BDP1: variants seen among roughly 807,000 people sequenced by gnomAD.
BDP1 encodes the protein transcription factor TFIIIB component B'' homolog.
Under a neutral mutation model 266.6 loss-of-function variants are expected in BDP1, and 169 were observed. That is an observed-to-expected ratio of 0.63 (90% CI 0.56 to 0.72). The LOEUF (loss-of-function observed/expected upper bound fraction) is 0.72. Ranked by LOEUF, BDP1 falls within the 30% of genes least tolerant of loss-of-function variation. BDP1 has a pLI of 0.00. For synonymous variants in BDP1, 1,090 were observed against 1,022.4 expected (o/e 1.07, Z -1.26); for missense variants, 3,015 against 3,053.8 (o/e 0.99, Z 0.30).
rs920789801 is a variant in BDP1, at chr5:71,566,568, T to C, written c.*1683T>C. 4 of 152,310 alleles carry C rather than the reference T, an allele frequency of 2.6e-5. No homozygotes were observed. The East Asian group carries it at 7.7e-4, about 29-fold the overall frequency. 9.4% of individuals were successfully genotyped at this position (152,310 alleles called of 1,614,324 possible). ...AGTAGCTCAGGCATTGGAAACTTTCTGCAAACTGTTTTGGGTTTGCAGGCC... is the reference window on the plus strand; with the variant it reads ...AGTAGCTCAGGCATTGGAAACTTTCCGCAAACTGTTTTGGGTTTGCAGGCC... On this transcript the variant is annotated 3_prime_UTR_variant, in exon 39 of 39. Transcript: ENST00000358731.
chr5:71,570,801 A>G (rs891773807), downstream of BDP1, among the ~76,000 whole-genome samples: 2 of 152,140 alleles, frequency 1.3e-5, no homozygotes, highest in Admixed American at 6.5e-5. Context: ...CAGCTCTTTA[A>G]AGAGGCTGAT....
At chr5:71,486,327 C>T (rs1444983710) in intron 8 of BDP1, among the ~76,000 whole-genome samples, 157 bp from the exon 9 acceptor site, 1 of 152,020 alleles carries the variant, frequency 6.6e-6, no homozygotes, top group Non-Finnish European at 1.5e-5. Context: ...CTAAGACCAA[C>T]CTATTCTGTT....
At chr5:71,570,397 C>T (rs1333591639), downstream of BDP1, among the ~76,000 whole-genome samples, 1 of 152,214 alleles carries the variant, frequency 6.6e-6, no homozygotes, top group Non-Finnish European at 1.5e-5. Flanking sequence ...TCTGCCCCCT[C>T]AGTCAAGGGA....
At position 71,455,809 on chromosome 5, in the gene BDP1, C is replaced by T. The variant is rs536799630; in HGVS notation, c.-69C>T. The stretch of plus-strand genomic sequence containing the variant: ...AGGGCGTAGTTCCTAATCCCCTTTC[C>T]GGGCAGCCGCCGGGGCTCGGGGCTG... On this transcript the variant is annotated 5_prime_UTR_variant, in exon 1 of 39. Coordinates refer to ENST00000358731, the MANE Select transcript of BDP1 (RefSeq NM_018429.3). The T allele has an allele frequency of 3.1e-4, 437 of 1,396,296 alleles. 3 individuals are homozygous for T. In the East Asian group the frequency reaches 8.7e-3, roughly 28 times the overall value. 86.5% of individuals were successfully genotyped at this position (1,396,296 alleles called of 1,614,324 possible).
Position 71,541,536 on chromosome 5 carries a change from T to A in BDP1, c.6105T>A (p.Ile2035=), listed in dbSNP as rs770178876. ...GCCTAGATAATGTAAATCACAAAATTGTTCATGAATGTCAGGAACTTTCTT... is the reference window on the plus strand; with the variant it reads ...GCCTAGATAATGTAAATCACAAAATAGTTCATGAATGTCAGGAACTTTCTT... ...PSSLDNVNHK[I]VHECQELSSP... The change falls in exon 29 of 39, where the codon ATT becomes ATA. Residue 2035 remains isoleucine (I), a synonymous_variant. Transcript: ENST00000358731. 6.2e-7 allele frequency: 1 copy of A among 1,611,652 alleles called. No homozygotes were observed. The highest frequency in any genetic ancestry group is 8.5e-7 in the Non-Finnish European group (1 of 1,178,120).
At chr5:71,573,340 A>T in the BDP1 span, among the ~76,000 whole-genome samples, 46,189 of 152,024 alleles carry the variant, frequency 0.3, 8,028 homozygotes, top group East Asian at 0.5. Flanking sequence ...CTTAGGTAGC[A>T]GAAATAGAGA....
intron 15 of BDP1, among the ~76,000 whole-genome samples, chr5:71,504,318 T>G (rs2150450374): frequency 6.6e-6 from 1 of 150,590 alleles, no homozygotes; most frequent in South Asian, 2.1e-4. Context: ...CTATAATGCA[T>G]TTATAGTAAT....
rs1764315078 is a variant in BDP1, at chr5:71,502,585, C to A, written c.2049-14C>A. 5.7e-6 allele frequency: 9 copies of A among 1,567,266 alleles called. No homozygotes were observed. Among genetic ancestry groups the A allele is most frequent in the Non-Finnish European group, 6.9e-6 (8 of 1,159,774 alleles). On this transcript the variant is annotated splice_polypyrimidine_tract_variant and intron_variant, in intron 14 of 38. Transcript: ENST00000358731. Reference sequence around the variant, plus strand: ...TTCAAAATAAACATTAATTTTATTTCTTTGTGGTTCTAGTTTGGGTGAAAA... The same window carrying A: ...TTCAAAATAAACATTAATTTTATTTATTTGTGGTTCTAGTTTGGGTGAAAA...
At chr5:71,570,781 G>C (rs1744240162), downstream of BDP1, among the ~76,000 whole-genome samples, 1 of 152,316 alleles carries the variant, frequency 6.6e-6, no homozygotes, top group South Asian at 2.1e-4. Context: ...AACCATCATA[G>C]TGGCTGCATC....
At chr5:71,483,712 A>G (rs1763094962) in intron 7 of BDP1, 130 bp from the exon 8 acceptor site, 2 of 656,596 alleles carry the variant, frequency 3.0e-6, no homozygotes, top group East Asian at 2.9e-5. Context: ...TAACTTGCCT[A>G]TTGGCAAAGA....
intron 7 of BDP1, among the ~76,000 whole-genome samples, chr5:71,481,885 A>G (rs922320489): frequency 3.9e-5 from 6 of 152,240 alleles, no homozygotes; most frequent in African/African-American, 9.6e-5. Flanking sequence ...TGCATTGCAT[A>G]CAGTGGCTGC....
intron 7 of BDP1, among the ~76,000 whole-genome samples, chr5:71,471,466 A>G (rs1488547569): frequency 6.6e-6 from 1 of 152,140 alleles, no homozygotes; most frequent in Non-Finnish European, 1.5e-5. Flanking sequence ...TTCAATGCAA[A>G]ATGTATTTCA....
chr5:71,530,620 A>G (rs1766184451), intron 25 of BDP1, among the ~76,000 whole-genome samples: 1 of 152,060 alleles, frequency 6.6e-6, no homozygotes, highest in Non-Finnish European at 1.5e-5. Flanking sequence ...CCTAGGCTCA[A>G]GCGACCCTCA....
At chr5:71,489,788 T>C in intron 10 of BDP1, 106 bp downstream of exon 10, 24 of 913,748 alleles carry the variant, frequency 2.6e-5, no homozygotes, top group Non-Finnish European at 3.6e-5. Flanking sequence ...TAATGATGCT[T>C]ATTAATTGGT....
rs751560779 is a variant in BDP1, at chr5:71,513,251, CA to C, written c.4318del (p.Arg1440AspfsTer6). Reference sequence around the variant, plus strand: ...CAGCACCTTTTGTGAGGAGCCGATTCAAAAGACCAAAACCAAACTTAGCAAG... The same window carrying C: ...CAGCACCTTTTGTGAGGAGCCGATTCAAAGACCAAAACCAAACTTAGCAAG... ...KPAPFVRSRF[K>X]RPKPNLARAA... is the part of the protein sequence containing the mutation. On this transcript the variant is annotated frameshift_variant, in exon 19 of 39. Transcript: ENST00000358731. LOFTEE classifies it high-confidence loss of function. 6.2e-7 allele frequency: 1 copy of C among 1,613,556 alleles called. No homozygotes were observed. Among genetic ancestry groups the C allele is most frequent in the Non-Finnish European group, 8.5e-7 (1 of 1,179,956 alleles).
intron 35 of BDP1, among the ~76,000 whole-genome samples, chr5:71,556,421 TTA>T (rs1267826977): frequency 6.6e-6 from 1 of 152,200 alleles, no homozygotes; most frequent in Non-Finnish European, 1.5e-5. Flanking sequence ...ATTGCAATAG[TTA>T]TATTTTATAG....
intron 34 of BDP1, among the ~76,000 whole-genome samples, chr5:71,550,848 G>A (rs1742691882): frequency 1.3e-5 from 2 of 152,030 alleles, no homozygotes; most frequent in South Asian, 4.1e-4. Flanking sequence ...TGGGACTATA[G>A]GTGCGTGCCA....
intron 21 of BDP1, 41 bp downstream of exon 21, chr5:71,516,312 A>G: frequency 1.4e-6 from 2 of 1,454,056 alleles, no homozygotes; most frequent in Non-Finnish European, 1.9e-6. Flanking sequence ...CTTTTAATGC[A>G]TTTAAAATGT....
rs373882843 is a variant in BDP1, at chr5:71,504,154, T to C, written c.2242-467T>C. On this transcript the variant is annotated intron_variant, in intron 15 of 38. Coordinates refer to ENST00000358731, the MANE Select transcript of BDP1 (RefSeq NM_018429.3). ...TGGGTGTGGTGGTGGACGCCTGTAGTCCTAGCTACTCGGGAGGCTGAGGCA... is the reference window on the plus strand; with the variant it reads ...TGGGTGTGGTGGTGGACGCCTGTAGCCCTAGCTACTCGGGAGGCTGAGGCA... Among the ~76,000 whole-genome samples the C allele has an allele frequency of 9.9e-5, 15 of 151,530 alleles. No homozygotes were observed. The South Asian group carries it at 2.9e-3, about 29-fold the overall frequency.
Sources: allele counts gnomAD v4.1 joint callset (sites outside exome capture counted in the v4.1 genomes callset), GRCh38; gene constraint gnomAD v4.1.1; transcripts MANE v1.5; gene names NCBI Gene and HGNC (gene_info 2026-07-23, HGNC 2026-07-21).